The following ASTN2 variants were observed in gnomAD, a reference collection of about 807,000 sequenced individuals.
ASTN2 encodes the protein astrotactin 2.
A neutral mutation model predicts 139.8 loss-of-function variants in ASTN2; 54 were observed. The observed-to-expected ratio is 0.39, with a 90% confidence interval of 0.31 to 0.48. ASTN2 has a LOEUF of 0.48. ASTN2 is among the 20% of genes least tolerant of loss of function. The pLI is 0.95. For missense variants in ASTN2, 1,565 were observed against 1,725.1 expected (o/e 0.91, Z 1.64); for synonymous variants, 756 against 719.5 (o/e 1.05, Z -0.81).
At chr9:117,157,751 G>T (rs1830462050) in intron 3 of ASTN2, among the ~76,000 whole-genome samples, 1 of 151,904 alleles carries the variant, frequency 6.6e-6, no homozygotes, top group Non-Finnish European at 1.5e-5. Flanking sequence ...TTTCCTATAG[G>T]GTTGGTGCTA....
chr9:116,863,438 G>C, intron 11 of ASTN2, 145 bp downstream of exon 11: 1 of 986,774 alleles, frequency 1.0e-6, no homozygotes, highest in South Asian at 2.2e-5. Flanking sequence ...AACCAAGGTA[G>C]GCTGGCATAC....
intron 7 of ASTN2, among the ~76,000 whole-genome samples, chr9:116,998,585 A>ACATCCATG (rs1343906417): frequency 1.8e-5 from 2 of 108,782 alleles, no homozygotes; most frequent in Non-Finnish European, 3.8e-5. Context: ...ATCCATCCAT[A>ACATCCATG]CATCCATGCA....
At chr9:116,793,496 A>G (rs1830609464) in intron 13 of ASTN2, among the ~76,000 whole-genome samples, 2 of 152,198 alleles carry the variant, frequency 1.3e-5, no homozygotes, top group Admixed American at 1.3e-4. Context: ...GCTATGAGTA[A>G]GTGAAAAACT....
chr9:116,935,666 T>C (rs1835046108), intron 10 of ASTN2, among the ~76,000 whole-genome samples: 1 of 152,194 alleles, frequency 6.6e-6, no homozygotes, highest in African/African-American at 2.4e-5. Context: ...ATCCTTTACT[T>C]GCTGTGTAAT....
rs1554717026 is a variant in ASTN2 at position 117,298,666 on chromosome 9, A to ATG, written c.443-7155_443-7154dup. Among the ~76,000 whole-genome samples, 24 of 43,904 alleles carry ATG rather than the reference A, an allele frequency of 5.5e-4. 1 individual carries two copies. The highest frequency in any genetic ancestry group is 2.7e-3 in the South Asian group (3 of 1,118). The allele number at this position is 43,904 out of a possible 152,430, so 28.8% of individuals were successfully genotyped here. A position where few individuals can be genotyped will look rare whatever the true frequency, so the allele number is the denominator to read the frequency against. On this transcript the variant is annotated intron_variant, in intron 1 of 22. Transcript: ENST00000313400. ...ACTGTCTTGGTGTGTGTATATATAT[A>ATG]TGTGTATATATATATATATATATAT...
intron 1 of ASTN2, among the ~76,000 whole-genome samples, chr9:117,347,214 C>T (rs1195567160): frequency 6.6e-6 from 1 of 152,054 alleles, no homozygotes; most frequent in Non-Finnish European, 1.5e-5. Flanking sequence ...GGTTGAGAAG[C>T]ACTCTCTACA....
intron 2 of ASTN2, among the ~76,000 whole-genome samples, chr9:117,250,070 G>T (rs147241897): frequency 6.6e-6 from 1 of 152,118 alleles, no homozygotes; most frequent in African/African-American, 2.4e-5. Context: ...CACTGCCCCC[G>T]CAGGGACTTC....
chr9:116,828,386 T>A (rs1206749156), intron 11 of ASTN2, among the ~76,000 whole-genome samples: 1 of 151,810 alleles, frequency 6.6e-6, no homozygotes, highest in Non-Finnish European at 1.5e-5. Flanking sequence ...GTGGAATTTA[T>A]CCCTGTGATG....
intron 19 of ASTN2, among the ~76,000 whole-genome samples, chr9:116,570,190 T>C (rs1335627038): frequency 6.6e-6 from 1 of 152,216 alleles, no homozygotes; most frequent in Non-Finnish European, 1.5e-5. Context: ...GAGCTTTAAC[T>C]GAGATAACTG....
Position 117,214,441 on chromosome 9 carries a change from T to C in ASTN2, c.932A>G (p.Glu311Gly). ...GGTCACCTGGCTGCCAAACTCGTCC[T>C]CGCGGGAGACATGGTTGGCCCGCCT... Reference protein sequence around the residue: ...PPRRANHVSREDEFGSQVTHT... With the variant: ...PPRRANHVSRGDEFGSQVTHT... Residue 311 changes from glutamate to glycine, a missense_variant, in exon 3 of 23, where the codon GAG becomes GGG. Coordinates refer to ENST00000313400, the MANE Select transcript of ASTN2 (RefSeq NM_001365068.1). The C allele has an allele frequency of 6.2e-7, 1 of 1,614,150 alleles. No homozygotes were observed. The highest frequency in any genetic ancestry group is 1.1e-5 in the South Asian group (1 of 91,084).
intron 10 of ASTN2, among the ~76,000 whole-genome samples, chr9:116,888,514 C>G (rs1308479219): frequency 6.6e-6 from 1 of 151,822 alleles, no homozygotes; most frequent in African/African-American, 2.4e-5. Flanking sequence ...TCCAGAGGTT[C>G]TTTCTTTTGT....
intron 10 of ASTN2, among the ~76,000 whole-genome samples, chr9:116,882,551 G>C (rs371524513): frequency 4.6e-5 from 7 of 152,148 alleles, no homozygotes; most frequent in African/African-American, 1.7e-4. Context: ...TCATGAGTAC[G>C]GAGGCAGAAA....
intron 20 of ASTN2, among the ~76,000 whole-genome samples, chr9:116,461,216 T>C (rs1344161773): frequency 1.3e-5 from 2 of 151,136 alleles, no homozygotes; most frequent in Non-Finnish European, 3.0e-5. Flanking sequence ...TAATATATTA[T>C]ATAATTTACT....
chr9:117,072,514 G>A (rs1268859315), intron 5 of ASTN2, among the ~76,000 whole-genome samples: 1 of 152,210 alleles, frequency 6.6e-6, no homozygotes, highest in Non-Finnish European at 1.5e-5. Context: ...GGGAGAGGAA[G>A]AGATGAAAAG....
intron 10 of ASTN2, among the ~76,000 whole-genome samples, chr9:116,920,358 A>G (rs1834570859): frequency 6.6e-6 from 1 of 152,198 alleles, no homozygotes; most frequent in Admixed American, 6.5e-5. Flanking sequence ...AGCTCCTGTA[A>G]GAGGCAGAAT....
At chr9:116,440,883 G>T in intron 21 of ASTN2, 91 bp from the exon 22 acceptor site, 1 of 1,317,112 alleles carries the variant, frequency 7.6e-7, no homozygotes. Context: ...GCACAGTGGT[G>T]AGAAAGTTTG....
At chr9:117,293,103 A>AC (rs992186244) in intron 1 of ASTN2, among the ~76,000 whole-genome samples, 3 of 152,002 alleles carry the variant, frequency 2.0e-5, no homozygotes, top group African/African-American at 7.3e-5. Context: ...AAAAAAGAAA[A>AC]AAAACAACAA....
chr9:116,901,252 C>G (rs1834003908), intron 10 of ASTN2, among the ~76,000 whole-genome samples: 1 of 152,128 alleles, frequency 6.6e-6, no homozygotes. Flanking sequence ...AGGCTGGGTG[C>G]AGTGGCTTAC....
At chr9:116,640,498 C>T (rs774190295) in intron 17 of ASTN2, among the ~76,000 whole-genome samples, 2 of 152,120 alleles carry the variant, frequency 1.3e-5, no homozygotes, top group Admixed American at 6.5e-5. Flanking sequence ...ACAGTTCACT[C>T]AGTGGAAAGA....
Sources: gnomAD v4.1 joint callset for allele counts (sites outside exome capture counted in the v4.1 genomes callset) on GRCh38, gnomAD v4.1.1 for gene constraint, MANE v1.5 for transcripts, NCBI Gene and HGNC (gene_info 2026-07-23, HGNC 2026-07-21) for gene names.